The following DZANK1 variants were observed in gnomAD, a reference collection of about 807,000 sequenced individuals.
DZANK1 encodes double zinc ribbon and ankyrin repeat domains 1.
DZANK1 carries 91 observed loss-of-function variants against 94.5 expected under a neutral mutation model. The ratio of observed to expected loss-of-function variants is 0.96; its 90% CI spans 0.81 to 1.15. DZANK1 has a LOEUF of 1.15. Among genes scored for constraint, DZANK1 ranks in the 50% most tolerant of loss-of-function variants. The pLI, the probability that DZANK1 is intolerant of heterozygous loss-of-function variation, is 0.00. For missense variants in DZANK1, 903 were observed against 916.4 expected (o/e 0.99, Z 0.19); for synonymous variants, 312 against 325.3 (o/e 0.96, Z 0.44).
intron 17 of DZANK1, among the ~76,000 whole-genome samples, chr20:18,391,747 C>G (rs2056002896): frequency 6.6e-6 from 1 of 152,142 alleles, no homozygotes; most frequent in South Asian, 2.1e-4. Context: ...TGTCCTTGCT[C>G]CTGTGAAGCC....
At chr20:18,412,618 C>T (rs1458493358) in intron 13 of DZANK1, 28 bp downstream of exon 13, 1 of 1,603,718 alleles carries the variant, frequency 6.2e-7, no homozygotes, top group Non-Finnish European at 8.5e-7. Context: ...TCCCTCCCGA[C>T]CAGAAGAAAG....
At chr20:18,446,054 C>T in intron 7 of DZANK1, among the ~76,000 whole-genome samples, 1 of 147,778 alleles carries the variant, frequency 6.8e-6, no homozygotes, top group East Asian at 2.0e-4. Flanking sequence ...CATGGGCCAC[C>T]ACGCCCAGCC....
Position 18,390,713 on chromosome 20 carries a change from T to C in DZANK1, c.1810-254A>G, listed in dbSNP as rs187832633. 7.2e-5 allele frequency among the ~76,000 whole-genome samples: 11 copies of C among 152,332 alleles called. No homozygotes were observed. The East Asian group carries it at 1.9e-3, about 27-fold the overall frequency. The stretch of plus-strand genomic sequence containing the variant: ...TTTTATATTAAGGACAAGGATGCCA[T>C]GAGAAACCTCACAAAACCCAGAAAC... On this transcript the variant is annotated intron_variant, in intron 17 of 20. Transcript: ENST00000262547.
Position 18,424,390 on chromosome 20 carries a change from G to C in DZANK1, c.954+2677C>G, listed in dbSNP as rs539715863. Among the ~76,000 whole-genome samples the C allele has an allele frequency of 3.9e-5, 6 of 152,014 alleles. No homozygotes were observed. The South Asian group carries it at 1.2e-3, about 32-fold the overall frequency. ...GAATGGCTTGAACCCAGAAGGTGGAGGTTGCAGTGACCCAAGATTGTGCCA... is the reference window on the plus strand; with the variant it reads ...GAATGGCTTGAACCCAGAAGGTGGACGTTGCAGTGACCCAAGATTGTGCCA... On this transcript the variant is annotated intron_variant, in intron 10 of 20. Coordinates refer to ENST00000262547, the Ensembl canonical transcript of DZANK1.
intron 9 of DZANK1, among the ~76,000 whole-genome samples, chr20:18,428,374 A>G (rs974558011): frequency 1.3e-5 from 2 of 151,816 alleles, no homozygotes; most frequent in South Asian, 2.1e-4. Flanking sequence ...TTTTTAGTAG[A>G]GATGAGGTTT....
chr20:18,404,486 TGAACAGAC>T (rs1329307085), intron 13 of DZANK1, among the ~76,000 whole-genome samples: 4 of 152,000 alleles, frequency 2.6e-5, no homozygotes, highest in Non-Finnish European at 5.9e-5. Flanking sequence ...TTCACTAAAA[TGAACAGAC>T]AAACAGACAA....
chr20:18,402,302 T>C (rs902623154), intron 13 of DZANK1, among the ~76,000 whole-genome samples: 23 of 152,064 alleles, frequency 1.5e-4, no homozygotes, highest in Admixed American at 1.5e-3. Flanking sequence ...TCCCAATAGA[T>C]AGAAGACACC....
At chr20:18,384,216 C>A in exon 21 of DZANK1, 2 of 537,646 alleles carry the variant, frequency 3.7e-6, no homozygotes, top group Non-Finnish European at 3.1e-6. Context: ...TGCACCACTA[C>A]GCCCGACTAA....
At chr20:18,415,803 C>A (rs907352568) in intron 10 of DZANK1, among the ~76,000 whole-genome samples, 1 of 152,154 alleles carries the variant, frequency 6.6e-6, no homozygotes, top group Non-Finnish European at 1.5e-5. Context: ...GCTACCTGAG[C>A]GGTCATGATT....
rs186257899 is a variant in DZANK1 at position 18,398,267 on chromosome 20, T to C, written c.1536+256A>G. The C allele has an allele frequency of 2.8e-5, 13 of 457,850 alleles. No individual in the cohort carries two copies. The East Asian group carries it at 4.3e-4, about 15-fold the overall frequency. 28.4% of individuals were successfully genotyped at this position (457,850 alleles called of 1,614,324 possible). On this transcript the variant is annotated intron_variant, in intron 14 of 20. Transcript: ENST00000262547. ...TCATTCTGACTGTTAGAATTTCCAA[T>C]GTGACATCTGAGCATGAGATGTTCA...
At chr20:18,463,510 C>CA (rs11326493) in intron 2 of DZANK1, among the ~76,000 whole-genome samples, 1 of 151,742 alleles carries the variant, frequency 6.6e-6, no homozygotes, top group African/African-American at 2.4e-5. Context: ...AAAGAAAAAA[C>CA]AAAAAAAAGG....
At chr20:18,407,716 A>G (rs2148389050) in intron 13 of DZANK1, among the ~76,000 whole-genome samples, 1 of 152,358 alleles carries the variant, frequency 6.6e-6, no homozygotes, top group South Asian at 2.1e-4. Context: ...AGATAAATTT[A>G]AGAGAGTTTG....
At chr20:18,465,028 T>C (rs1360512502) in intron 2 of DZANK1, among the ~76,000 whole-genome samples, 4 of 152,154 alleles carry the variant, frequency 2.6e-5, no homozygotes, top group Non-Finnish European at 5.9e-5. Context: ...GCTGAAACTA[T>C]ACAAATGAAA....
chr20:18,431,004 A>C (rs1188738677), intron 9 of DZANK1, among the ~76,000 whole-genome samples: 1 of 152,022 alleles, frequency 6.6e-6, no homozygotes, highest in Non-Finnish European at 1.5e-5. Flanking sequence ...ATAAAAGGAC[A>C]CTCTAAGCTG....
At chr20:18,424,178 G>C (rs185530549) in intron 10 of DZANK1, among the ~76,000 whole-genome samples, 1 of 152,308 alleles carries the variant, frequency 6.6e-6, no homozygotes, top group East Asian at 1.9e-4. Context: ...GGCCGGGCGC[G>C]GTGGCTCATG....
At chr20:18,422,634 G>T (rs1319367485) in intron 10 of DZANK1, among the ~76,000 whole-genome samples, 1 of 152,018 alleles carries the variant, frequency 6.6e-6, no homozygotes, top group Non-Finnish European at 1.5e-5. Flanking sequence ...TTCATGTTTA[G>T]ACTTGGGTCC....
In DZANK1 at chr20:18,415,589, T is replaced by C. The variant is rs2148462290; in HGVS notation, c.955-140A>G. 3 of 1,030,378 alleles carry C rather than the reference T, an allele frequency of 2.9e-6. No individual in the cohort carries two copies. The East Asian group carries it at 9.8e-5, about 34-fold the overall frequency. 63.8% of individuals were successfully genotyped at this position (1,030,378 alleles called of 1,614,324 possible). A position where few individuals can be genotyped will look rare whatever the true frequency, so the allele number is the denominator to read the frequency against. ...TTTTTGTTTTGTTTTGTTTTGTTTT[T>C]TTCCCAAAGGAGTACAGCTATGATG... is the stretch of plus-strand genomic sequence containing the variant. On this transcript the variant is annotated intron_variant, in intron 10 of 20. Coordinates refer to ENST00000262547, the Ensembl canonical transcript of DZANK1.
intron 17 of DZANK1, 67 bp downstream of exon 17, chr20:18,393,644 G>T: frequency 9.3e-7 from 1 of 1,072,794 alleles, no homozygotes. Flanking sequence ...TTTAAAAAAG[G>T]TCAAAATAAA....
chr20:18,399,329 A>G (rs1033498859), intron 13 of DZANK1, among the ~76,000 whole-genome samples: 3 of 152,118 alleles, frequency 2.0e-5, no homozygotes, highest in Non-Finnish European at 4.4e-5. Context: ...CCCTTGGCTC[A>G]GATGATCCTC....
Sources: allele counts gnomAD v4.1 joint callset (sites outside exome capture counted in the v4.1 genomes callset), GRCh38; gene constraint gnomAD v4.1.1; transcripts MANE v1.5; gene names NCBI Gene and HGNC (gene_info 2026-07-23, HGNC 2026-07-21).